Variants in ZSCAN5A observed in about 807,000 individuals in gnomAD.
The protein encoded by ZSCAN5A is zinc finger and SCAN domain containing 5A.
A neutral mutation model predicts 23.7 loss-of-function variants in ZSCAN5A; 12 were observed. That is an observed-to-expected ratio of 0.51 (90% CI 0.32 to 0.82). The LOEUF (loss-of-function observed/expected upper bound fraction) is 0.82, where lower values mean the gene tolerates loss of function less well. Among genes scored for constraint, ZSCAN5A ranks in the 40% least tolerant of loss-of-function variants. The pLI is 0.03. For synonymous variants in ZSCAN5A, 257 were observed against 239.9 expected, an observed-to-expected ratio of 1.07 and a Z score of -0.66; for missense variants, 597 against 617.9, an observed-to-expected ratio of 0.97 and a Z score of 0.36.
intron 2 of ZSCAN5A, among the ~76,000 whole-genome samples, chr19:56,302,655 CTCCCTGTT>C (rs2040416986): frequency 6.9e-5 from 9 of 131,240 alleles, no homozygotes; most frequent in South Asian, 2.9e-4. Flanking sequence ...TCTTCCCCCC[CTCCCTGTT>C]CTTTCCTTCC....
chr19:56,238,869 T>C (rs2035193391), intron 2 of ZSCAN5A, among the ~76,000 whole-genome samples: 1 of 151,732 alleles, frequency 6.6e-6, no homozygotes, highest in Non-Finnish European at 1.5e-5. Flanking sequence ...ATGACATGTT[T>C]CAAGAGGAGA....
At chr19:56,298,501 A>C (rs2040023897) in intron 2 of ZSCAN5A, among the ~76,000 whole-genome samples, 1 of 151,894 alleles carries the variant, frequency 6.6e-6, no homozygotes, top group African/African-American at 2.4e-5. Context: ...AAATACAAAA[A>C]AATTAGCCAG....
intron 2 of ZSCAN5A, among the ~76,000 whole-genome samples, chr19:56,344,669 C>T (rs2041617871): frequency 2.7e-5 from 4 of 150,872 alleles, no homozygotes; most frequent in South Asian, 2.1e-4. Flanking sequence ...TTTGGGAGGC[C>T]GAGGCGGGTG....
chr19:56,276,036 C>A (rs2038223004), intron 2 of ZSCAN5A, among the ~76,000 whole-genome samples: 2 of 152,198 alleles, frequency 1.3e-5, no homozygotes, highest in South Asian at 4.1e-4. Flanking sequence ...ATGCTAATTT[C>A]TCTCTCTGCT....
intron 2 of ZSCAN5A, among the ~76,000 whole-genome samples, chr19:56,251,957 T>C (rs917060428): frequency 3.3e-5 from 5 of 152,198 alleles, no homozygotes; most frequent in Non-Finnish European, 5.9e-5. Context: ...ACCTAAAATA[T>C]ATATTCTCTG....
chr19:56,242,871 C>T lies in ZSCAN5A; in HGVS notation c.-127-17698G>A, dbSNP rs183106083. 7.6e-4 allele frequency among the ~76,000 whole-genome samples: 116 copies of T among 152,234 alleles called. 1 individual carries two copies. The highest frequency in any genetic ancestry group is 2.6e-3 in the African/African-American group (110 of 41,566). On this transcript the variant is annotated intron_variant, in intron 2 of 5. Coordinates refer to ENST00000683990, the MANE Select transcript of ZSCAN5A (RefSeq NM_001322064.3). ...TCGGCTCACTACAACTTCCACCTCCCTGATTCAAGTGATTCTCCTGCCTCA... is the reference window on the plus strand; with the variant it reads ...TCGGCTCACTACAACTTCCACCTCCTTGATTCAAGTGATTCTCCTGCCTCA...
At chr19:56,275,274 C>G (rs911838235) in intron 2 of ZSCAN5A, among the ~76,000 whole-genome samples, 7 of 152,188 alleles carry the variant, frequency 4.6e-5, no homozygotes, top group Admixed American at 2.0e-4. Context: ...GTGGATCTTG[C>G]TGCAGAAATG....
intron 2 of ZSCAN5A, among the ~76,000 whole-genome samples, chr19:56,329,958 T>C (rs554355432): frequency 4.6e-5 from 7 of 152,348 alleles, no homozygotes; most frequent in Middle Eastern, 3.4e-3. Context: ...CAGTACCCAA[T>C]AGTTTTTCAG....
At chr19:56,325,562 G>T (rs934894005) in intron 2 of ZSCAN5A, among the ~76,000 whole-genome samples, 2 of 152,054 alleles carry the variant, frequency 1.3e-5, no homozygotes, top group Non-Finnish European at 2.9e-5. Context: ...CCTGAAAACT[G>T]TTGCCAGATA....
chr19:56,282,171 G>A (rs1412220539), intron 2 of ZSCAN5A, among the ~76,000 whole-genome samples: 1 of 152,152 alleles, frequency 6.6e-6, no homozygotes, highest in Non-Finnish European at 1.5e-5. Context: ...GTTGAGAAGT[G>A]GAGATGACAC....
At chr19:56,239,298 A>G (rs1159260070) in intron 2 of ZSCAN5A, among the ~76,000 whole-genome samples, 1 of 152,230 alleles carries the variant, frequency 6.6e-6, no homozygotes, top group East Asian at 1.9e-4. Context: ...ATTTGAATGG[A>G]TTTGTGAATC....
chr19:56,246,703 C>T lies in ZSCAN5A; in HGVS notation c.-127-21530G>A. 5 of 1,078,520 alleles carry T rather than the reference C, an allele frequency of 4.6e-6. No homozygotes were observed. In the South Asian group the frequency reaches 6.5e-5, roughly 14 times the overall value. The allele number at this position is 1,078,520 out of a possible 1,614,324, so 66.8% of individuals were successfully genotyped here. A position where few individuals can be genotyped will look rare whatever the true frequency, so the allele number is the denominator to read the frequency against. On this transcript the variant is annotated intron_variant, in intron 2 of 5. Coordinates refer to ENST00000683990, the MANE Select transcript of ZSCAN5A (RefSeq NM_001322064.3). ...GTGTATTGAAAATGTACCTTATTAA[C>T]TGTTGTGTGTGGAATCCCTTCTTCC...
chr19:56,327,750 T>C (rs1410371412), intron 2 of ZSCAN5A, among the ~76,000 whole-genome samples: 1 of 151,712 alleles, frequency 6.6e-6, no homozygotes, highest in Admixed American at 6.6e-5. Context: ...TCTACTAATA[T>C]ATGTAATCTA....
rs577561224 is a variant in ZSCAN5A at position 56,352,003 on chromosome 19, G to A, written c.-358+11232C>T. 2.6e-5 allele frequency among the ~76,000 whole-genome samples: 4 copies of A among 152,320 alleles called. No individual in the cohort carries two copies. The highest frequency in any genetic ancestry group is 2.1e-4 in the South Asian group (1 of 4,828). On this transcript the variant is annotated intron_variant, in intron 2 of 6. Coordinates refer to the ZSCAN5A transcript ENST00000587340. The surrounding 1 kb of genome is among the most constrained non-coding windows in gnomAD (Gnocchi z 4.2). ...AAAGTCAGGTAGGGAAGTGGGACCC[G>A]AAACTCAGGAAGGGATGCGGTGAAG...
At chr19:56,354,840 C>G (rs2041691731) in intron 2 of ZSCAN5A, among the ~76,000 whole-genome samples, 1 of 152,166 alleles carries the variant, frequency 6.6e-6, no homozygotes, top group Non-Finnish European at 1.5e-5. Context: ...GTTTTAGGGA[C>G]AGAGTTAAAA....
chr19:56,353,594 C>T (rs978480667), intron 2 of ZSCAN5A, among the ~76,000 whole-genome samples: 9 of 151,676 alleles, frequency 5.9e-5, no homozygotes, highest in South Asian at 2.1e-4. Context: ...TGGCTAACGG[C>T]GGTGAAACCC....
chr19:56,234,774 T>C (rs1340758699), intron 2 of ZSCAN5A, among the ~76,000 whole-genome samples: 1 of 152,016 alleles, frequency 6.6e-6, no homozygotes, highest in Non-Finnish European at 1.5e-5. Flanking sequence ...ATCCTTAGAG[T>C]TGTGAGCCCT....
intron 2 of ZSCAN5A, among the ~76,000 whole-genome samples, chr19:56,276,661 C>T (rs879536341): frequency 2.0e-4 from 30 of 151,930 alleles, no homozygotes; most frequent in African/African-American, 3.9e-4. Context: ...CTCAGCCTCC[C>T]GAGTAGCTGG....
intron 2 of ZSCAN5A, among the ~76,000 whole-genome samples, chr19:56,292,018 G>T (rs758580786): frequency 2.6e-4 from 40 of 152,156 alleles, no homozygotes; most frequent in Non-Finnish European, 4.7e-4. Flanking sequence ...GAGGTATAAA[G>T]GTTAGGTAAC....
Sources: gnomAD v4.1 joint callset for allele counts (sites outside exome capture counted in the v4.1 genomes callset) on GRCh38, gnomAD v4.1.1 for gene constraint, Gnocchi (gnomAD v3.1) non-coding constraint, MANE v1.5 for transcripts, NCBI Gene and HGNC (gene_info 2026-07-23, HGNC 2026-07-21) for gene names.